The following LARGE1 variants were observed in gnomAD, a reference collection of about 807,000 sequenced individuals.
LARGE1 encodes xylosyl- and glucuronyltransferase LARGE1.
In LARGE1, 43 loss-of-function variants were observed where a neutral mutation model predicts 87.6. The observed-to-expected ratio is 0.49, with a 90% CI of 0.38 to 0.63. The LOEUF is 0.63. LARGE1 is among the 30% of genes least tolerant of loss of function. LARGE1 has a pLI of 0.00. For missense variants in LARGE1, 802 were observed against 1,000.2 expected (o/e 0.80, Z 2.67); for synonymous variants, 434 against 394.6 (o/e 1.10, Z -1.18).
At chr22:33,424,521 T>G (rs1387858251) in intron 7 of LARGE1, among the ~76,000 whole-genome samples, 2 of 152,144 alleles carry the variant, frequency 1.3e-5, no homozygotes, top group African/African-American at 4.8e-5. Flanking sequence ...TCCCCCAAAT[T>G]CACACATTAA....
intron 1 of LARGE1, among the ~76,000 whole-genome samples, chr22:33,788,283 C>T (rs529059189): frequency 2.6e-5 from 4 of 152,296 alleles, no homozygotes; most frequent in African/African-American, 4.8e-5. Context: ...CCATGTAAGA[C>T]GTGCCTTTGC....
chr22:33,847,819 A>T (rs1568983007), intron 1 of LARGE1, among the ~76,000 whole-genome samples: 1 of 152,272 alleles, frequency 6.6e-6, no homozygotes, highest in Non-Finnish European at 1.5e-5. Context: ...CTAAAAACCC[A>T]GCATGGCTCC....
At chr22:33,487,354 C>T (rs987972102) in intron 6 of LARGE1, among the ~76,000 whole-genome samples, 13 of 152,196 alleles carry the variant, frequency 8.5e-5, no homozygotes, top group Admixed American at 7.9e-4. Flanking sequence ...ATTCCCTGAT[C>T]TCCACTCCAT....
intron 2 of LARGE1, among the ~76,000 whole-genome samples, chr22:33,748,288 C>T (rs117540147): frequency 0.057 from 8,732 of 151,912 alleles, 274 homozygotes; most frequent in Non-Finnish European, 0.081. Flanking sequence ...CCCGCCATCA[C>T]GCCTGCCTAA....
chr22:33,629,962 G>A (rs2080051605), intron 3 of LARGE1, among the ~76,000 whole-genome samples: 1 of 152,166 alleles, frequency 6.6e-6, no homozygotes, highest in South Asian at 2.1e-4. Context: ...CCTTTGGGAG[G>A]CCGAGGCGGC....
chr22:33,113,442 G>A, the LARGE1 span, among the ~76,000 whole-genome samples: 1 of 152,136 alleles, frequency 6.6e-6, no homozygotes, highest in Non-Finnish European at 1.5e-5. Flanking sequence ...CCCGACCTCA[G>A]GTGATCCACC....
chr22:33,832,854 A>T (rs890841418), intron 1 of LARGE1, among the ~76,000 whole-genome samples: 3 of 152,242 alleles, frequency 2.0e-5, no homozygotes, highest in African/African-American at 7.2e-5. Context: ...GTATACAGTA[A>T]GCACTCAATA....
intron 2 of LARGE1, among the ~76,000 whole-genome samples, chr22:33,707,219 T>C (rs1203616851): frequency 6.6e-6 from 1 of 152,202 alleles, no homozygotes; most frequent in African/African-American, 2.4e-5. Context: ...ACTAGATGCA[T>C]CTGTCAGGTG....
rs534486233 is a variant in LARGE1 at position 33,334,346 on chromosome 22, G to A, written c.1287+3300C>T. Among the ~76,000 whole-genome samples the A allele has an allele frequency of 2.5e-3, 371 of 150,648 alleles. 2 individuals carry two copies. Among genetic ancestry groups the A allele is most frequent in the African/African-American group, 8.4e-3 (342 of 40,700 alleles). On this transcript the variant is annotated intron_variant, in intron 10 of 14. Transcript: ENST00000397394. Reference sequence around the variant, plus strand: ...GAATTGCTTGAACCGGAGAGGCGGAGGTTACAGTGAGCTGAGATCGCGCCA... The same window carrying A: ...GAATTGCTTGAACCGGAGAGGCGGAAGTTACAGTGAGCTGAGATCGCGCCA...
At chr22:33,517,851 G>C (rs1222237000) in intron 6 of LARGE1, among the ~76,000 whole-genome samples, 1 of 152,224 alleles carries the variant, frequency 6.6e-6, no homozygotes, top group African/African-American at 2.4e-5. Flanking sequence ...CCTTAAAGAA[G>C]AAGGGGGAGA....
Position 33,920,455 on chromosome 22 carries a change from G to C in LARGE1, c.-543C>G, listed in dbSNP as rs1198405646. 1 of 147,756 alleles carries C rather than the reference G, an allele frequency of 6.8e-6. No homozygotes were observed. The highest frequency in any genetic ancestry group is 2.4e-5 in the African/African-American group (1 of 40,900). The allele number at this position is 147,756 out of a possible 1,614,324, so 9.2% of individuals were successfully genotyped here. ...GCTTCGGGCGCCCGGGCTCCGGCGC[G>C]GCGGCGGGGCAGGAGCAGACTGGCC... On this transcript the variant is annotated 5_prime_UTR_variant, in exon 1 of 15. Transcript: ENST00000397394.
At chr22:33,617,441 C>T (rs370866137) in intron 4 of LARGE1, among the ~76,000 whole-genome samples, 9 of 152,194 alleles carry the variant, frequency 5.9e-5, no homozygotes, top group Non-Finnish European at 2.9e-5. Flanking sequence ...GACATATTTA[C>T]ACCAAAGAGA....
intron 6 of LARGE1, among the ~76,000 whole-genome samples, chr22:33,542,700 C>T (rs141391296): frequency 1.8e-4 from 27 of 151,370 alleles, no homozygotes; most frequent in Non-Finnish European, 3.1e-4. Flanking sequence ...TGGCTTTGCC[C>T]CTGACAGTGT....
At chr22:33,794,716 T>C (rs1187014878) in intron 1 of LARGE1, among the ~76,000 whole-genome samples, 2 of 151,568 alleles carry the variant, frequency 1.3e-5, no homozygotes, top group African/African-American at 2.4e-5. Context: ...CGCTCCCGGG[T>C]TCAAGCAATT....
At chr22:33,695,923 T>C (rs2082229506) in intron 2 of LARGE1, among the ~76,000 whole-genome samples, 1 of 152,222 alleles carries the variant, frequency 6.6e-6, no homozygotes. Context: ...CCTTATTGAT[T>C]AAGCTTTGTT....
At chr22:33,911,861 G>A (rs2065647756) in intron 1 of LARGE1, among the ~76,000 whole-genome samples, 1 of 152,164 alleles carries the variant, frequency 6.6e-6, no homozygotes, top group Non-Finnish European at 1.5e-5. Context: ...AAGCTGCTAG[G>A]AGACGCCTTG....
chr22:33,309,298 C>G (rs1935297991), intron 11 of LARGE1, among the ~76,000 whole-genome samples: 1 of 152,100 alleles, frequency 6.6e-6, no homozygotes, highest in Non-Finnish European at 1.5e-5. Flanking sequence ...TTCTGAGTAG[C>G]TGGGATTACA....
intron 1 of LARGE1, among the ~76,000 whole-genome samples, chr22:33,886,657 A>C (rs1200588498): frequency 5.0e-5 from 3 of 59,898 alleles, no homozygotes; most frequent in Non-Finnish European, 7.8e-5. Context: ...AGATTCTGCC[A>C]AAAAAAAAAA....
chr22:33,827,423 C>G (rs1046155787), intron 1 of LARGE1, among the ~76,000 whole-genome samples: 1 of 152,044 alleles, frequency 6.6e-6, no homozygotes, highest in Non-Finnish European at 1.5e-5. Context: ...GCCCCTCTGT[C>G]CCCCCGCCAA....
Sources: gnomAD v4.1 joint callset for allele counts (sites outside exome capture counted in the v4.1 genomes callset) on GRCh38, gnomAD v4.1.1 for gene constraint, MANE v1.5 for transcripts, NCBI Gene and HGNC (gene_info 2026-07-23, HGNC 2026-07-21) for gene names.